The following FOXO1 variants were observed in gnomAD, a reference collection of about 807,000 sequenced individuals.
FOXO1 encodes forkhead box O1, also known as forkhead box protein O1.
In FOXO1, 6 loss-of-function variants were observed where a neutral mutation model predicts 44.1. That is an observed-to-expected ratio of 0.14 (90% CI 0.07 to 0.27). The LOEUF is 0.27. FOXO1 is among the 10% of genes least tolerant of loss of function. FOXO1 has a pLI of 1.00. For missense variants in FOXO1, 737 were observed against 888.8 expected (o/e 0.83, Z 2.17); for synonymous variants, 380 against 362.7 (o/e 1.05, Z -0.54).
At chr13:40,600,421 G>A (rs1006427379) in intron 1 of FOXO1, among the ~76,000 whole-genome samples, 12 of 152,186 alleles carry the variant, frequency 7.9e-5, no homozygotes, top group African/African-American at 2.4e-4. Flanking sequence ...AGTAAAAGGA[G>A]TCTGCAACAT....
chr13:40,660,948 AAACAACAACAACAACAACAAC>A (rs138057018), intron 1 of FOXO1, among the ~76,000 whole-genome samples: 1 of 149,296 alleles, frequency 6.7e-6, no homozygotes, highest in Non-Finnish European at 1.5e-5. Flanking sequence ...TGGCTCAGAA[AAACAACAACAACAACAACAAC>A]AACAACAACA....
At position 40,665,614 on chromosome 13, in the gene FOXO1, T is replaced by C; in HGVS notation, c.599A>G (p.Lys200Arg). The C allele has an allele frequency of 6.8e-7, 1 of 1,469,794 alleles. No homozygotes were observed. The highest frequency in any genetic ancestry group is 9.1e-7 in the Non-Finnish European group (1 of 1,096,318). The allele number at this position is 1,469,794 out of a possible 1,614,324, so 91.0% of individuals were successfully genotyped here. The change falls in exon 1 of 3, where the codon AAG becomes AGG. Residue 200 changes from lysine (K) to arginine (R), a missense_variant. This residue lies in a region of FOXO1 where 49 missense variants were observed against 50.2 expected (regional missense o/e 0.98). Coordinates refer to ENST00000379561, the MANE Select transcript of FOXO1 (RefSeq NM_002015.4). Reference protein sequence around the residue: ...MVKSVPYFKDKGDSNSSAGWK... With the variant: ...MVKSVPYFKDRGDSNSSAGWK... ...GCCCGCCGAGCTGTTGCTGTCACCC[T>C]TATCCTTGAAGTAGGGCACGCTCTT... is the stretch of plus-strand genomic sequence containing the variant.
chr13:40,635,491 G>C (rs1406975440), intron 1 of FOXO1, among the ~76,000 whole-genome samples: 1 of 152,182 alleles, frequency 6.6e-6, no homozygotes, highest in Non-Finnish European at 1.5e-5. Context: ...ACATCACTGA[G>C]TCAGTTTTCA....
intron 1 of FOXO1, among the ~76,000 whole-genome samples, chr13:40,651,384 TAC>T (rs1282746024): frequency 3.3e-5 from 5 of 152,066 alleles, no homozygotes; most frequent in Admixed American, 6.5e-5. Context: ...GGAGAACCAC[TAC>T]AGAGCACAGA....
At chr13:40,619,256 T>G (rs1332986285) in intron 1 of FOXO1, 1 of 383,148 alleles carries the variant, frequency 2.6e-6, no homozygotes, top group African/African-American at 2.1e-5. Flanking sequence ...ATCATGCCAT[T>G]GCACTCCAGC....
At chr13:40,629,147 T>TC (rs930944880) in intron 1 of FOXO1, among the ~76,000 whole-genome samples, 1 of 151,782 alleles carries the variant, frequency 6.6e-6, no homozygotes, top group African/African-American at 2.4e-5. Flanking sequence ...AACATGACTT[T>TC]TTTTTTTTTT....
At chr13:40,649,205 G>A (rs569022827) in intron 1 of FOXO1, among the ~76,000 whole-genome samples, 1 of 152,298 alleles carries the variant, frequency 6.6e-6, no homozygotes, top group Admixed American at 6.5e-5. Flanking sequence ...TCCAAGGAGT[G>A]TATTCACACA....
rs374809079 is a variant in FOXO1, at chr13:40,559,056, C to T, written c.*15-22G>A. 43 of 397,878 alleles carry T rather than the reference C, an allele frequency of 1.1e-4. 1 individual carries two copies. The South Asian group carries it at 4.3e-3, about 40-fold the overall frequency. The allele number at this position is 397,878 out of a possible 1,614,324, so 24.6% of individuals were successfully genotyped here. A position where few individuals can be genotyped will look rare whatever the true frequency, so the allele number is the denominator to read the frequency against. ...TAACCTAGGAAAAAACACATACATA[C>T]GCACACACACATACACACACAATGA... On this transcript the variant is annotated intron_variant, in intron 2 of 2. Coordinates refer to ENST00000379561, the MANE Select transcript of FOXO1 (RefSeq NM_002015.4).
At chr13:40,632,176 C>A (rs1038580885) in intron 1 of FOXO1, among the ~76,000 whole-genome samples, 9 of 152,080 alleles carry the variant, frequency 5.9e-5, no homozygotes, top group Non-Finnish European at 1.3e-4. Flanking sequence ...GAGGCTGAGA[C>A]AGGAGAATAG....
At chr13:40,564,038 C>A (rs937749174) in intron 1 of FOXO1, among the ~76,000 whole-genome samples, 1 of 152,168 alleles carries the variant, frequency 6.6e-6, no homozygotes, top group African/African-American at 2.4e-5. Context: ...ACTCCTGTCC[C>A]TGTCACATTT....
At chr13:40,613,727 T>C (rs1876316783) in intron 1 of FOXO1, among the ~76,000 whole-genome samples, 1 of 152,218 alleles carries the variant, frequency 6.6e-6, no homozygotes, top group Non-Finnish European at 1.5e-5. Flanking sequence ...TCAGGTCACT[T>C]GAACAAACAC....
Position 40,665,919 on chromosome 13 carries a change from GGCCGCC to G in FOXO1, c.288_293del (p.Ala101_Ala102del). On this transcript the variant is annotated inframe_deletion, in exon 1 of 3. Coordinates refer to ENST00000379561, the MANE Select transcript of FOXO1 (RefSeq NM_002015.4). ...ACAGCCCCCCGGTGGCGGCCGCGGC[GGCCGCC>G]GCCGCCACCGCCGCCGCCACGGAGC... 1 of 1,198,884 alleles carries G rather than the reference GGCCGCC, an allele frequency of 8.3e-7. No individual in the cohort carries two copies. Among genetic ancestry groups the G allele is most frequent in the Non-Finnish European group, 1.0e-6 (1 of 969,756 alleles). 74.3% of individuals were successfully genotyped at this position (1,198,884 alleles called of 1,614,324 possible).
intron 1 of FOXO1, among the ~76,000 whole-genome samples, chr13:40,621,695 C>T (rs1284708723): frequency 6.6e-6 from 1 of 152,154 alleles, no homozygotes; most frequent in Non-Finnish European, 1.5e-5. Context: ...GCACAGCAGA[C>T]TTTACTTTCA....
At chr13:40,595,938 ATTTTTTTT>A (rs71080387) in intron 1 of FOXO1, among the ~76,000 whole-genome samples, 3 of 130,868 alleles carry the variant, frequency 2.3e-5, no homozygotes, top group African/African-American at 8.6e-5. Context: ...ATGTCAGCTA[ATTTTTTTT>A]TTTTTTTTTT....
intron 1 of FOXO1, among the ~76,000 whole-genome samples, chr13:40,602,430 A>C (rs1005377208): frequency 1.3e-5 from 2 of 152,200 alleles, no homozygotes; most frequent in African/African-American, 4.8e-5. Flanking sequence ...GGACAAGAAA[A>C]TTTTAAAATT....
Position 40,632,150 on chromosome 13 carries a change from A to G in FOXO1, c.630+33433T>C, listed in dbSNP as rs1029116419. Among the ~76,000 whole-genome samples the G allele has an allele frequency of 3.3e-5, 5 of 152,188 alleles. No homozygotes were observed. The East Asian group carries it at 7.7e-4, about 23-fold the overall frequency. On this transcript the variant is annotated intron_variant, in intron 1 of 2. Transcript: ENST00000379561. ...GCCAGGTGTGGTGGCACATGCCTGT[A>G]GTCCCAGCTACTCAGGAGGCTGAGA...
chr13:40,639,966 G>A (rs956292780), intron 1 of FOXO1, among the ~76,000 whole-genome samples: 1 of 152,224 alleles, frequency 6.6e-6, no homozygotes, highest in South Asian at 2.1e-4. Context: ...TTATACATGT[G>A]AGAAAACCTA....
chr13:40,607,500 A>G (rs1051940509), intron 1 of FOXO1, among the ~76,000 whole-genome samples: 19 of 147,104 alleles, frequency 1.3e-4, no homozygotes, highest in African/African-American at 2.7e-4. Flanking sequence ...GTGCTTTACT[A>G]TAAGTCAGGC....
At chr13:40,568,164 G>A (rs1874345622) in intron 1 of FOXO1, among the ~76,000 whole-genome samples, 1 of 152,074 alleles carries the variant, frequency 6.6e-6, no homozygotes, top group Non-Finnish European at 1.5e-5. Flanking sequence ...CCTGCGTGAA[G>A]GTGTGAGCAA....
Sources: allele counts gnomAD v4.1 joint callset (sites outside exome capture counted in the v4.1 genomes callset), GRCh38; gene constraint gnomAD v4.1.1; regional missense constraint gnomAD v4.1.1; transcripts MANE v1.5; gene names NCBI Gene and HGNC (gene_info 2026-07-23, HGNC 2026-07-21).